LIN7A: variants seen among roughly 807,000 people sequenced by gnomAD.
LIN7A encodes the protein lin-7 cell polarity scaffold A, also known as protein lin-7 homolog A.
In LIN7A, 25 loss-of-function variants were observed where a neutral mutation model predicts 29.8. The ratio of observed to expected loss-of-function variants is 0.84; its 90% confidence interval spans 0.61 to 1.17. The LOEUF (loss-of-function observed/expected upper bound fraction) is 1.17, where lower values mean the gene tolerates loss of function less well. LIN7A is among the 50% of genes most tolerant of loss of function. The pLI is 0.00. For missense variants in LIN7A, 239 were observed against 287.0 expected (o/e 0.83, Z 1.21); for synonymous variants, 118 against 107.5 (o/e 1.10, Z -0.60).
intron 2 of LIN7A, among the ~76,000 whole-genome samples, chr12:80,855,090 T>C (rs1285052453): frequency 2.0e-5 from 3 of 151,846 alleles, no homozygotes; most frequent in Non-Finnish European, 4.4e-5. Context: ...GAATTACAAT[T>C]AGCATCATAT....
In LIN7A at chr12:80,804,104, G is replaced by T. The variant is rs570877787; in HGVS notation, c.*1-6378C>A. 2.6e-5 allele frequency among the ~76,000 whole-genome samples: 4 copies of T among 152,058 alleles called. No individual in the cohort carries two copies. In the South Asian group the frequency reaches 8.3e-4, roughly 32 times the overall value. ...TAATTTTTAATTTTTGTGGGTACAT[G>T]ATATATATATTTATGGGGTCCATGA... is the stretch of plus-strand genomic sequence containing the variant. On this transcript the variant is annotated intron_variant, in intron 5 of 5. Transcript: ENST00000552864.
intron 5 of LIN7A, among the ~76,000 whole-genome samples, chr12:80,799,290 G>T (rs181558286): frequency 6.6e-6 from 1 of 151,946 alleles, no homozygotes; most frequent in Admixed American, 6.6e-5. Context: ...TTTAAGAAAA[G>T]CTTCTTTTCC....
At chr12:80,865,157 C>A (rs1022584177) in intron 2 of LIN7A, among the ~76,000 whole-genome samples, 1 of 152,066 alleles carries the variant, frequency 6.6e-6, no homozygotes, top group Non-Finnish European at 1.5e-5. Flanking sequence ...GTTCTTACTG[C>A]CTATCTAAAT....
At chr12:80,900,754 A>G (rs2120730271) in intron 1 of LIN7A, among the ~76,000 whole-genome samples, 1 of 152,282 alleles carries the variant, frequency 6.6e-6, no homozygotes, top group South Asian at 2.1e-4. Context: ...TTAAATCAAA[A>G]TTTCATATTC....
chr12:80,883,813 CACT>C (rs1409681609), intron 2 of LIN7A, among the ~76,000 whole-genome samples: 14 of 152,178 alleles, frequency 9.2e-5, no homozygotes, highest in Admixed American at 5.2e-4. Context: ...TTGACCACAA[CACT>C]ACTCTATGAA....
At chr12:80,878,393 A>C (rs2120558847) in intron 2 of LIN7A, among the ~76,000 whole-genome samples, 1 of 152,320 alleles carries the variant, frequency 6.6e-6, no homozygotes, top group South Asian at 2.1e-4. Context: ...CTCTGATAAA[A>C]TGATAAATTA....
chr12:80,835,539 G>A (rs1055705587), intron 4 of LIN7A, among the ~76,000 whole-genome samples: 4 of 152,030 alleles, frequency 2.6e-5, no homozygotes, highest in Non-Finnish European at 5.9e-5. Flanking sequence ...TAAACTGGGC[G>A]GAGAGTCTAA....
At chr12:80,929,786 T>C (rs1437547715) in intron 1 of LIN7A, among the ~76,000 whole-genome samples, 1 of 152,142 alleles carries the variant, frequency 6.6e-6, no homozygotes, top group Non-Finnish European at 1.5e-5. Context: ...AGGCAACAAA[T>C]AGATTGCCCT....
intron 2 of LIN7A, among the ~76,000 whole-genome samples, chr12:80,880,489 A>T (rs985011100): frequency 6.6e-6 from 1 of 152,144 alleles, no homozygotes; most frequent in Non-Finnish European, 1.5e-5. Context: ...GAAACTCTAG[A>T]TTTCTGGCTA....
intron 4 of LIN7A, among the ~76,000 whole-genome samples, chr12:80,827,870 C>T (rs2121525837): frequency 6.6e-6 from 1 of 152,274 alleles, no homozygotes; most frequent in East Asian, 1.9e-4. Context: ...GCCTCTATAA[C>T]CTTATGTCTA....
intron 4 of LIN7A, among the ~76,000 whole-genome samples, chr12:80,814,888 C>T (rs1164444363): frequency 6.6e-6 from 1 of 152,146 alleles, no homozygotes; most frequent in Non-Finnish European, 1.5e-5. Flanking sequence ...GTCTTTCCCA[C>T]CAGGACACAG....
intron 1 of LIN7A, among the ~76,000 whole-genome samples, chr12:80,926,692 G>T (rs559388815): frequency 6.6e-6 from 1 of 152,082 alleles, no homozygotes; most frequent in African/African-American, 2.4e-5. Flanking sequence ...CACTTTGGGA[G>T]GCCGAGGCAG....
intron 4 of LIN7A, among the ~76,000 whole-genome samples, chr12:80,839,087 G>A (rs1872700020): frequency 6.6e-6 from 1 of 152,134 alleles, no homozygotes; most frequent in Non-Finnish European, 1.5e-5. Flanking sequence ...AAAGGTCAAA[G>A]TCTCTTATGA....
chr12:80,847,883 A>G (rs184978535), intron 3 of LIN7A, among the ~76,000 whole-genome samples: 211 of 152,272 alleles, frequency 1.4e-3, no homozygotes, highest in African/African-American at 4.9e-3. Context: ...TTTGAAATCA[A>G]ATCTTTAGAC....
intron 2 of LIN7A, among the ~76,000 whole-genome samples, chr12:80,873,735 G>A (rs973794049): frequency 6.6e-6 from 1 of 152,102 alleles, no homozygotes; most frequent in Non-Finnish European, 1.5e-5. Context: ...AGATTGAAAA[G>A]AGGAAGACGT....
chr12:80,886,568 T>C (rs1875337855), intron 2 of LIN7A, among the ~76,000 whole-genome samples: 1 of 152,126 alleles, frequency 6.6e-6, no homozygotes, highest in African/African-American at 2.4e-5. Flanking sequence ...AAGTAATCTT[T>C]TACACTTCCT....
chr12:80,865,625 G>A (rs1459552090), intron 2 of LIN7A, among the ~76,000 whole-genome samples: 1 of 152,214 alleles, frequency 6.6e-6, no homozygotes, highest in African/African-American at 2.4e-5. Flanking sequence ...GGGCTGAAAG[G>A]TGACACAGAT....
In LIN7A at chr12:80,807,077, T is replaced by TTTTTTTGTTTGTTTG. The variant is rs1555221368; in HGVS notation, c.*4387_*4388insCAAACAAACAAAAAA. On this transcript the variant is annotated intron_variant, in intron 5 of 5. Coordinates refer to ENST00000552864, the MANE Select transcript of LIN7A (RefSeq NM_004664.4). Reference sequence around the variant, plus strand: ...ATGAAGATGGAGTTTTTTTTTTTTTTTTTTTTTTTTTTTTGACGGAGTCTC... The same window carrying TTTTTTTGTTTGTTTG: ...ATGAAGATGGAGTTTTTTTTTTTTTTTTTTTTGTTTGTTTGTTTTTTTTTTTTTTGACGGAGTCTC... Among the ~76,000 whole-genome samples the TTTTTTTGTTTGTTTG allele has an allele frequency of 3.5e-5, 4 of 115,538 alleles. 1 individual carries two copies. Among genetic ancestry groups the TTTTTTTGTTTGTTTG allele is most frequent in the Non-Finnish European group, 7.2e-5 (4 of 55,282 alleles). The allele number at this position is 115,538 out of a possible 152,430, so 75.8% of individuals were successfully genotyped here. A position where few individuals can be genotyped will look rare whatever the true frequency, so the allele number is the denominator to read the frequency against.
At chr12:80,849,543 T>C (rs988701215) in intron 2 of LIN7A, among the ~76,000 whole-genome samples, 1 of 152,144 alleles carries the variant, frequency 6.6e-6, no homozygotes, top group African/African-American at 2.4e-5. Flanking sequence ...TTGGTGATCA[T>C]CAAGTACCTA....
Sources: allele counts gnomAD v4.1 joint callset (sites outside exome capture counted in the v4.1 genomes callset), GRCh38; gene constraint gnomAD v4.1.1; transcripts MANE v1.5; gene names NCBI Gene and HGNC (gene_info 2026-07-23, HGNC 2026-07-21).